The following SYT14 variants were observed in gnomAD, a reference collection of about 807,000 sequenced individuals.
SYT14 encodes synaptotagmin-14.
In SYT14, 32 loss-of-function variants were observed where a neutral mutation model predicts 74.2. The ratio of observed to expected loss-of-function variants is 0.43; its 90% CI spans 0.33 to 0.58. The LOEUF is 0.58. Ranked by LOEUF, SYT14 falls within the 20% of genes least tolerant of loss-of-function variation. SYT14 has a pLI of 0.05. For synonymous variants in SYT14, 298 were observed against 337.7 expected (o/e 0.88, Z 1.29); for missense variants, 791 against 981.8 (o/e 0.81, Z 2.60).
At chr1:210,000,891 CT>C (rs1476911046) in intron 2 of SYT14, among the ~76,000 whole-genome samples, 6 of 151,942 alleles carry the variant, frequency 3.9e-5, no homozygotes, top group African/African-American at 1.5e-4. Flanking sequence ...GGGATGCCTT[CT>C]TTTTAAAACT....
chr1:210,139,422 A>G (rs1175586933), intron 7 of SYT14, among the ~76,000 whole-genome samples: 1 of 151,858 alleles, frequency 6.6e-6, no homozygotes, highest in Non-Finnish European at 1.5e-5. Flanking sequence ...ACTGGATTAA[A>G]TTATCTTTGA....
chr1:210,082,972 TTA>T (rs1294945314), intron 5 of SYT14, among the ~76,000 whole-genome samples: 2 of 151,860 alleles, frequency 1.3e-5, no homozygotes, highest in Non-Finnish European at 2.9e-5. Flanking sequence ...GAGTAATGGG[TTA>T]TTTCTTTTTT....
chr1:210,006,937 G>GA (rs1168299610), intron 2 of SYT14, among the ~76,000 whole-genome samples: 3 of 151,652 alleles, frequency 2.0e-5, no homozygotes, highest in Non-Finnish European at 4.4e-5. Context: ...TTCTTAGCTA[G>GA]AAAATGTTCT....
chr1:210,040,263 C>T (rs1253798888), intron 5 of SYT14, among the ~76,000 whole-genome samples: 2 of 152,062 alleles, frequency 1.3e-5, no homozygotes, highest in Non-Finnish European at 2.9e-5. Context: ...CAAACTAACA[C>T]AGGAACAGAA....
At chr1:210,050,650 C>T (rs1216757976) in intron 5 of SYT14, among the ~76,000 whole-genome samples, 1 of 152,162 alleles carries the variant, frequency 6.6e-6, no homozygotes, top group African/African-American at 2.4e-5. Flanking sequence ...AGTATCACAT[C>T]GTTTGGGAGG....
At chr1:210,112,794 T>C (rs1409906623) in intron 7 of SYT14, among the ~76,000 whole-genome samples, 1 of 151,308 alleles carries the variant, frequency 6.6e-6, no homozygotes, top group Non-Finnish European at 1.5e-5. Flanking sequence ...TTTTTGCCTA[T>C]ATAACAGCAT....
At chr1:209,967,626 AT>A (rs1258291182) in intron 2 of SYT14, among the ~76,000 whole-genome samples, 1 of 152,040 alleles carries the variant, frequency 6.6e-6, no homozygotes, top group Non-Finnish European at 1.5e-5. Context: ...TTTTTATCCT[AT>A]TAATATCTGT....
exon 10 of SYT14, chr1:210,163,333 A>G (rs2083410761): frequency 6.6e-6 from 3 of 453,650 alleles, no homozygotes; most frequent in Non-Finnish European, 1.3e-5. Context: ...TGGCATAAGT[A>G]TCAAATCCTT....
chr1:210,106,843 C>T (rs1005055505), intron 7 of SYT14, among the ~76,000 whole-genome samples: 2 of 152,134 alleles, frequency 1.3e-5, no homozygotes, highest in Admixed American at 1.3e-4. Context: ...TCCCAACAGT[C>T]CCCCAAAGTC....
chr1:210,018,044 T>C (rs1010472014), intron 4 of SYT14, among the ~76,000 whole-genome samples: 3 of 152,244 alleles, frequency 2.0e-5, no homozygotes, highest in Non-Finnish European at 2.9e-5. Flanking sequence ...TACAGTGATA[T>C]AGGAGAGGCT....
At chr1:209,950,342 T>A (rs547395166) in intron 1 of SYT14, among the ~76,000 whole-genome samples, 15 of 152,298 alleles carry the variant, frequency 9.8e-5, no homozygotes, top group African/African-American at 3.6e-4. Flanking sequence ...ACCCTTCTAA[T>A]GTCTCAAAAA....
chr1:210,092,267 G>C lies in SYT14; in HGVS notation c.1313-2055G>C, dbSNP rs79583455. On this transcript the variant is annotated intron_variant, in intron 5 of 9. Coordinates refer to ENST00000637265, the Ensembl canonical transcript of SYT14. ...CCGGGCTTTTCATTTTCCTGCTTCT[G>C]CCTTCCTAGCTTTCATTCTCATACT... Among the ~76,000 whole-genome samples the C allele has an allele frequency of 3.4e-3, 515 of 152,130 alleles. 5 individuals carry two copies. The highest frequency in any genetic ancestry group is 0.012 in the African/African-American group (489 of 41,504).
exon 10 of SYT14, chr1:210,163,270 C>G (rs1294059776): frequency 2.2e-6 from 1 of 453,382 alleles, no homozygotes; most frequent in African/African-American, 2.0e-5. Context: ...TACCTTTTTT[C>G]AGACTATTCC....
At chr1:210,105,736 C>T (rs949200026) in intron 7 of SYT14, among the ~76,000 whole-genome samples, 8 of 152,138 alleles carry the variant, frequency 5.3e-5, no homozygotes, top group Non-Finnish European at 1.2e-4. Flanking sequence ...GTGATTGGAT[C>T]CTGGGGGCAG....
intron 2 of SYT14, among the ~76,000 whole-genome samples, chr1:209,971,425 A>G (rs1224922296): frequency 1.3e-5 from 2 of 152,124 alleles, no homozygotes; most frequent in Non-Finnish European, 2.9e-5. Context: ...ATTATGTTGA[A>G]TAAGAGTGGT....
At chr1:209,941,531 A>G (rs1308289142) in intron 1 of SYT14, among the ~76,000 whole-genome samples, 1 of 152,096 alleles carries the variant, frequency 6.6e-6, no homozygotes, top group African/African-American at 2.4e-5. Flanking sequence ...TTTTTGTTGT[A>G]TTTGAAATTT....
chr1:210,151,513 C>CCCTT (rs397863025), intron 7 of SYT14, among the ~76,000 whole-genome samples: 8 of 131,306 alleles, frequency 6.1e-5, no homozygotes, highest in Admixed American at 1.5e-4. Flanking sequence ...TGCCCCCCCC[C>CCCTT]TTTTTTTTTT....
At chr1:210,170,088 T>C (rs895295063) in exon 10 of SYT14, 2 of 152,098 alleles carry the variant, frequency 1.3e-5, no homozygotes, top group Non-Finnish European at 2.9e-5. Flanking sequence ...GTTTAAATGC[T>C]CCGTGAGCAA....
At chr1:210,057,161 A>G (rs1160042980) in intron 5 of SYT14, among the ~76,000 whole-genome samples, 9 of 152,136 alleles carry the variant, frequency 5.9e-5, no homozygotes. Flanking sequence ...GATATTGATA[A>G]TTGAAATCCC....
Sources: gnomAD v4.1 joint callset for allele counts (sites outside exome capture counted in the v4.1 genomes callset) on GRCh38, gnomAD v4.1.1 for gene constraint, MANE v1.5 for transcripts, NCBI Gene and HGNC (gene_info 2026-07-23, HGNC 2026-07-21) for gene names.